OOSP3: variants seen among roughly 807,000 people sequenced by gnomAD.
OOSP3 encodes the protein oocyte-secreted protein 3.
intron 2 of OOSP3, among the ~76,000 whole-genome samples, chr11:59,889,067 T>G (rs1853286986): frequency 6.6e-6 from 1 of 152,174 alleles, no homozygotes; most frequent in African/African-American, 2.4e-5. Context: ...CATTTTTTTC[T>G]AGATTTTCTA....
chr11:59,891,087 C>T (rs1003198823), intron 2 of OOSP3, among the ~76,000 whole-genome samples: 2 of 152,134 alleles, frequency 1.3e-5, no homozygotes, highest in Non-Finnish European at 2.9e-5. Context: ...CTTGTGTTTG[C>T]ATCATAAAGT....
rs541532247 is a variant in OOSP3, at chr11:59,887,443, G to A, written c.253-6636G>A. 3.5e-4 allele frequency among the ~76,000 whole-genome samples: 53 copies of A among 152,276 alleles called. 1 individual carries two copies. Among genetic ancestry groups the A allele is most frequent in the Non-Finnish European group, 1.3e-4 (9 of 68,022 alleles). ...CTATAGTTTTGGGTTTTACACTTAA[G>A]TCTTTAATCCATCTTGAGTTAGTTT... On this transcript the variant is annotated intron_variant, in intron 2 of 4. Coordinates refer to ENST00000646438, the Ensembl canonical transcript of OOSP3.
intron 2 of OOSP3, among the ~76,000 whole-genome samples, chr11:59,886,210 C>A (rs1184352445): frequency 6.6e-6 from 1 of 152,144 alleles, no homozygotes; most frequent in African/African-American, 2.4e-5. Context: ...TAAGTCCCTG[C>A]AAAGGACATG....
chr11:59,890,853 A>G (rs1853305166), intron 2 of OOSP3, among the ~76,000 whole-genome samples: 1 of 152,092 alleles, frequency 6.6e-6, no homozygotes, highest in Admixed American at 6.5e-5. Flanking sequence ...GTTCTCCTGG[A>G]TGATATCCTG....
chr11:59,878,837 CTT>C lies in OOSP3; in HGVS notation c.31_32del (p.Phe11ProfsTer10). ...AAAGATTTTGTGAGGTTACAGTCCT[CTT>C]TCCTTTTGTGCACGATTTTGACTCT... On this transcript the variant is annotated frameshift_variant, in exon 1 of 5. Coordinates refer to ENST00000646438, the Ensembl canonical transcript of OOSP3. LOFTEE classifies it high-confidence loss of function. The C allele has an allele frequency of 2.5e-6, 1 of 398,472 alleles. No individual in the cohort carries two copies. The allele number at this position is 398,472 out of a possible 1,614,324, so 24.7% of individuals were successfully genotyped here.
At chr11:59,879,047 G>A (rs1445662146) in intron 1 of OOSP3, among the ~76,000 whole-genome samples, 166 bp downstream of exon 1, 1 of 152,164 alleles carries the variant, frequency 6.6e-6, no homozygotes, top group Non-Finnish European at 1.5e-5. Flanking sequence ...CGCAAAGCAA[G>A]TGATTTATCT....
intron 2 of OOSP3, among the ~76,000 whole-genome samples, chr11:59,883,306 A>T (rs1853220714): frequency 6.6e-6 from 1 of 152,324 alleles, no homozygotes; most frequent in African/African-American, 2.4e-5. Context: ...AACTCACAGG[A>T]TCAAAACAAA....
intron 2 of OOSP3, among the ~76,000 whole-genome samples, chr11:59,886,262 T>A (rs1350110735): frequency 1.3e-5 from 2 of 152,220 alleles, no homozygotes; most frequent in African/African-American, 2.4e-5. Context: ...CCATGGTATG[T>A]ATGTACCACA....
At chr11:59,883,962 A>G (rs752843924) in intron 2 of OOSP3, among the ~76,000 whole-genome samples, 1 of 152,224 alleles carries the variant, frequency 6.6e-6, no homozygotes, top group African/African-American at 2.4e-5. Context: ...TAATGACAAA[A>G]TATTTCACAG....
chr11:59,885,722 G>A (rs1442577956), intron 2 of OOSP3, among the ~76,000 whole-genome samples: 3 of 151,998 alleles, frequency 2.0e-5, no homozygotes, highest in Admixed American at 2.0e-4. Flanking sequence ...ATCTATCATT[G>A]ATGGGCATTT....
chr11:59,889,582 CAATTT>C, intron 2 of OOSP3, among the ~76,000 whole-genome samples: 1 of 152,150 alleles, frequency 6.6e-6, no homozygotes, highest in African/African-American at 2.4e-5. Context: ...GCAGGTTGTT[CAATTT>C]CCATGTAATT....
chr11:59,881,790 G>A (rs1853204113), intron 2 of OOSP3, among the ~76,000 whole-genome samples: 1 of 152,132 alleles, frequency 6.6e-6, no homozygotes, highest in African/African-American at 2.4e-5. Flanking sequence ...AGAATTGCTT[G>A]AACCTGGGAG....
chr11:59,880,921 A>T (rs768012595), intron 2 of OOSP3, among the ~76,000 whole-genome samples: 1 of 152,166 alleles, frequency 6.6e-6, no homozygotes, highest in African/African-American at 2.4e-5. Flanking sequence ...AAGTCAGAGG[A>T]AAAAAACATC....
At chr11:59,879,233 G>T (rs1366950667) in intron 1 of OOSP3, among the ~76,000 whole-genome samples, 1 of 152,060 alleles carries the variant, frequency 6.6e-6, no homozygotes, top group African/African-American at 2.4e-5. Flanking sequence ...CCTGCCACCT[G>T]CCTCCTGTCC....
intron 2 of OOSP3, among the ~76,000 whole-genome samples, chr11:59,892,801 T>C (rs1401343624): frequency 6.6e-6 from 1 of 152,162 alleles, no homozygotes; most frequent in Non-Finnish European, 1.5e-5. Flanking sequence ...TCATAGATAC[T>C]GTGTACTGGG....
intron 2 of OOSP3, among the ~76,000 whole-genome samples, chr11:59,893,455 T>G (rs1476040180): frequency 6.6e-6 from 1 of 151,936 alleles, no homozygotes; most frequent in East Asian, 1.9e-4. Context: ...AACCTCCACC[T>G]CCTGGACTCA....
chr11:59,894,643 C>T (rs970643636), intron 3 of OOSP3, among the ~76,000 whole-genome samples: 1 of 152,204 alleles, frequency 6.6e-6, no homozygotes, highest in South Asian at 2.1e-4. Context: ...TCCTGCTTTT[C>T]TCCCATTCCC....
Position 59,882,275 on chromosome 11 carries a change from T to C in OOSP3, c.252+1836T>C, listed in dbSNP as rs112364962. On this transcript the variant is annotated intron_variant, in intron 2 of 4. Coordinates refer to ENST00000646438, the Ensembl canonical transcript of OOSP3. The stretch of plus-strand genomic sequence containing the variant: ...GGTTTCTTTTGAAGATTTTTTTTTT[T>C]CCCCCCTGTGGCATGAAAACCATTT... 1.7e-3 allele frequency among the ~76,000 whole-genome samples: 246 copies of C among 141,884 alleles called. 3 individuals carry two copies. In the South Asian group the frequency reaches 0.04, roughly 23 times the overall value. 93.1% of individuals were successfully genotyped at this position (141,884 alleles called of 152,430 possible).
chr11:59,883,287 T>G (rs1853220594), intron 2 of OOSP3, among the ~76,000 whole-genome samples: 1 of 152,234 alleles, frequency 6.6e-6, no homozygotes, highest in Non-Finnish European at 1.5e-5. Flanking sequence ...CCTAAAATAC[T>G]AGTTTTAAAA....
Sources: gnomAD v4.1 joint callset for allele counts (sites outside exome capture counted in the v4.1 genomes callset) on GRCh38, gnomAD v4.1.1 for gene constraint, MANE v1.5 for transcripts, NCBI Gene and HGNC (gene_info 2026-07-23, HGNC 2026-07-21) for gene names.